The following PDXDC1 variants were observed in gnomAD, a reference collection of about 807,000 sequenced individuals.
PDXDC1 encodes the protein pyridoxal dependent decarboxylase domain containing 1.
A neutral mutation model predicts 100.1 loss-of-function variants in PDXDC1; 42 were observed. The ratio of observed to expected loss-of-function variants is 0.42; its 90% CI spans 0.33 to 0.54. The LOEUF (loss-of-function observed/expected upper bound fraction) is 0.54, where lower values mean the gene tolerates loss of function less well. Ranked by LOEUF, PDXDC1 falls within the 20% of genes least tolerant of loss-of-function variation. The pLI, the probability that PDXDC1 is intolerant of heterozygous loss-of-function variation, is 0.10. For missense variants in PDXDC1, 636 were observed against 979.2 expected (o/e 0.65, Z 4.68); for synonymous variants, 260 against 371.7 (o/e 0.70, Z 3.46).
intron 16 of PDXDC1, among the ~76,000 whole-genome samples, chr16:15,089,605 C>G (rs8048552): frequency 1.3e-5 from 2 of 150,542 alleles, no homozygotes; most frequent in African/African-American, 4.9e-5. Flanking sequence ...TCGAGACCAT[C>G]CTGGCTAACA....
chr16:15,048,699 C>T (rs1031105549), intron 16 of PDXDC1, among the ~76,000 whole-genome samples: 14 of 152,310 alleles, frequency 9.2e-5, no homozygotes, highest in African/African-American at 3.4e-4. Flanking sequence ...TTTCAACTCA[C>T]TGCAGCCTCC....
In PDXDC1 at chr16:15,074,179, C is replaced by T. The variant is rs189191832; in HGVS notation, c.1399+44123C>T. ...TGTATTATTTTTATAACAGCAAGAC[C>T]GTTAAAACAGTAATGCAGTCAACTC... is the stretch of plus-strand genomic sequence containing the variant. On this transcript the variant is annotated intron_variant, in intron 16 of 16. Coordinates refer to the PDXDC1 transcript ENST00000535621. Among the ~76,000 whole-genome samples, 14 of 152,114 alleles carry T rather than the reference C, an allele frequency of 9.2e-5. No homozygotes were observed. In the South Asian group the frequency reaches 1.0e-3, roughly 11 times the overall value.
downstream of PDXDC1, among the ~76,000 whole-genome samples, chr16:15,041,443 C>T (rs1185227376): frequency 2.0e-5 from 3 of 152,056 alleles, no homozygotes; most frequent in Non-Finnish European, 2.9e-5. Flanking sequence ...AACTGAGGCT[C>T]GGCAGATGGT....
At position 15,076,912 on chromosome 16, in the gene PDXDC1, C is replaced by T. The variant is rs764369434; in HGVS notation, c.1399+46856C>T. On this transcript the variant is annotated intron_variant, in intron 16 of 16. Transcript: ENST00000535621. ...CTATCACATGATGCTCTATGCCAGG[C>T]AGCCTCAACAAATTCAACATTTATT... Among the ~76,000 whole-genome samples, 4 of 152,146 alleles carry T rather than the reference C, an allele frequency of 2.6e-5. No individual in the cohort carries two copies. The East Asian group carries it at 5.8e-4, about 22-fold the overall frequency.
intron 16 of PDXDC1, among the ~76,000 whole-genome samples, chr16:15,057,310 T>C (rs981093076): frequency 3.3e-5 from 5 of 152,214 alleles, no homozygotes; most frequent in African/African-American, 4.8e-5. Flanking sequence ...CTCTGTATTA[T>C]TACACCTACA....
chr16:15,133,522 G>C, intron 16 of PDXDC1: 1 of 930,946 alleles, frequency 1.1e-6, no homozygotes, highest in Non-Finnish European at 1.7e-6. Context: ...CTCCCAGCTG[G>C]TCCTGCACCA....
intron 16 of PDXDC1, chr16:15,076,330 A>T: frequency 1.7e-6 from 1 of 598,676 alleles, no homozygotes; most frequent in Non-Finnish European, 3.0e-6. Flanking sequence ...TTACAAGAAC[A>T]AAAGTGAAAC....
chr16:15,007,145 CAAA>C lies in PDXDC1; in HGVS notation c.579+563_579+565del, dbSNP rs1366490240. 3.9e-5 allele frequency among the ~76,000 whole-genome samples: 5 copies of C among 127,928 alleles called. No individual in the cohort carries two copies. In the East Asian group the frequency reaches 1.4e-3, roughly 36 times the overall value. 83.9% of individuals were successfully genotyped at this position (127,928 alleles called of 152,430 possible). A position where few individuals can be genotyped will look rare whatever the true frequency, so the allele number is the denominator to read the frequency against. Reference sequence around the variant, plus strand: ...CAGAGTCAGTCTAGAATTGCTGGATCAAAGAGCATGACTTTTTTTTTTTTTTTT... The same window carrying C: ...CAGAGTCAGTCTAGAATTGCTGGATCGAGCATGACTTTTTTTTTTTTTTTT... On this transcript the variant is annotated intron_variant, in intron 6 of 22. Transcript: ENST00000396410.
At chr16:15,059,239 T>C (rs1016196204) in intron 16 of PDXDC1, among the ~76,000 whole-genome samples, 2 of 152,178 alleles carry the variant, frequency 1.3e-5, no homozygotes, top group Non-Finnish European at 2.9e-5. Context: ...GGACTGATTC[T>C]AGGGCACAGC....
At chr16:15,034,942 T>G (rs866529914) in intron 21 of PDXDC1, among the ~76,000 whole-genome samples, 1 of 152,312 alleles carries the variant, frequency 6.6e-6, no homozygotes, top group Middle Eastern at 3.4e-3. Flanking sequence ...GACTGAAGCA[T>G]GGAGTGCTGG....
At chr16:15,060,473 C>T (rs1014952251) in intron 16 of PDXDC1, 9 of 153,298 alleles carry the variant, frequency 5.9e-5, no homozygotes, top group African/African-American at 2.2e-4. Flanking sequence ...TATTTCATTA[C>T]AAAATATTTA....
chr16:15,068,271 T>C (rs2045063919), intron 16 of PDXDC1: 2 of 1,566,354 alleles, frequency 1.3e-6, no homozygotes, highest in Non-Finnish European at 1.7e-6. Context: ...CTGAAGATAC[T>C]GCAAACCTTT....
chr16:15,018,029 C>T lies in PDXDC1; in HGVS notation c.963+607C>T, dbSNP rs1349634742. Among the ~76,000 whole-genome samples, 3 of 152,110 alleles carry T rather than the reference C, an allele frequency of 2.0e-5. No individual in the cohort carries two copies. In the East Asian group the frequency reaches 5.9e-4, roughly 30 times the overall value. ...TGTTGAACTCGCGATCTCAGGTGAT[C>T]TGCCTGCCTCGGCCTCCCAAAGTGC... On this transcript the variant is annotated intron_variant, in intron 11 of 22. Coordinates refer to ENST00000396410, the MANE Select transcript of PDXDC1 (RefSeq NM_015027.4).
intron 16 of PDXDC1, chr16:15,128,294 G>C: frequency 6.2e-7 from 1 of 1,610,398 alleles, no homozygotes. Flanking sequence ...AAGATGTCCA[G>C]GCTGTTGCGG....
intron 16 of PDXDC1, among the ~76,000 whole-genome samples, chr16:15,083,191 G>A (rs1047796241): frequency 6.6e-6 from 1 of 152,174 alleles, no homozygotes. Context: ...ACAAGGTCAG[G>A]CGTTCGATAC....
intron 16 of PDXDC1, among the ~76,000 whole-genome samples, chr16:15,098,660 C>A (rs1010797337): frequency 3.3e-5 from 5 of 151,916 alleles, no homozygotes; most frequent in African/African-American, 1.2e-4. Context: ...GGGTGGATCA[C>A]CTGAGGTCGG....
At chr16:15,026,342 T>C (rs1362074730) in intron 13 of PDXDC1, 2 of 451,040 alleles carry the variant, frequency 4.4e-6, no homozygotes, top group African/African-American at 4.0e-5. Context: ...TTACTGGTTT[T>C]AATCTTTAAT....
chr16:15,027,633 C>T (rs570527709), intron 14 of PDXDC1, among the ~76,000 whole-genome samples: 457 of 152,238 alleles, frequency 3.0e-3, no homozygotes, highest in African/African-American at 0.01. Context: ...TTGGGCCGCT[C>T]AGCGGCCCTG....
intron 16 of PDXDC1, among the ~76,000 whole-genome samples, chr16:15,101,120 T>C (rs1440372950): frequency 2.6e-5 from 4 of 152,234 alleles, no homozygotes; most frequent in African/African-American, 9.6e-5. Context: ...TTTAGAGCTA[T>C]CGTAAGGATT....
Sources: gnomAD v4.1 joint callset for allele counts (sites outside exome capture counted in the v4.1 genomes callset) on GRCh38, gnomAD v4.1.1 for gene constraint, MANE v1.5 for transcripts, NCBI Gene and HGNC (gene_info 2026-07-23, HGNC 2026-07-21) for gene names.